TRIM2: variants seen among roughly 807,000 people sequenced by gnomAD.
TRIM2 encodes tripartite motif-containing protein 2.
TRIM2 carries 20 observed loss-of-function variants against 75.2 expected under a neutral mutation model. That is an observed-to-expected ratio of 0.27 (90% CI 0.19 to 0.39). The LOEUF is 0.39. Among genes scored for constraint, TRIM2 ranks in the 10% least tolerant of loss-of-function variants. The pLI is 1.00. For synonymous variants in TRIM2, 373 were observed against 388.3 expected (o/e 0.96, Z 0.46); for missense variants, 660 against 990.8 (o/e 0.67, Z 4.48).
chr4:153,293,260 G>A, intron 4 of TRIM2, 127 bp downstream of exon 4: 1 of 984,236 alleles, frequency 1.0e-6, no homozygotes, highest in Non-Finnish European at 1.4e-6. Context: ...GGGTAAATAA[G>A]TTCTTTTATC....
chr4:153,214,539 A>G (rs887349935), intron 1 of TRIM2, among the ~76,000 whole-genome samples: 3 of 152,238 alleles, frequency 2.0e-5, no homozygotes, highest in African/African-American at 7.2e-5. Context: ...TGTTTACCCT[A>G]CGGAAAATTT....
chr4:153,193,458 T>C (rs2149664475), intron 1 of TRIM2, among the ~76,000 whole-genome samples: 1 of 152,328 alleles, frequency 6.6e-6, no homozygotes, highest in South Asian at 2.1e-4. Context: ...TGAAGAAATC[T>C]ATGAATGCAA....
At chr4:153,261,196 T>C (rs544084289) in intron 1 of TRIM2, among the ~76,000 whole-genome samples, 1 of 152,136 alleles carries the variant, frequency 6.6e-6, no homozygotes, top group East Asian at 1.9e-4. Flanking sequence ...CCAAGGCCGG[T>C]GGATTGCTTG....
In TRIM2 at chr4:153,248,979, C is replaced by T. The variant is rs1484063471; in HGVS notation, c.31-21356C>T. ...CCCTCCAGGGTTAGCAGGCAAAGAG[C>T]TGTGGACCCCGGACACGGGAAAAGG... On this transcript the variant is annotated intron_variant, in intron 1 of 11. Transcript: ENST00000338700. The surrounding 1 kb of genome is among the most constrained non-coding windows in gnomAD (Gnocchi z 4.0). Among the ~76,000 whole-genome samples, 3 of 152,248 alleles carry T rather than the reference C, an allele frequency of 2.0e-5. No individual in the cohort carries two copies. Among genetic ancestry groups the T allele is most frequent in the African/African-American group, 7.2e-5 (3 of 41,472 alleles).
In TRIM2 at chr4:153,205,833, T is replaced by C. The variant is rs566504522; in HGVS notation, c.30+1273T>C. Among the ~76,000 whole-genome samples, 5 of 152,296 alleles carry C rather than the reference T, an allele frequency of 3.3e-5. No homozygotes were observed. In the South Asian group the frequency reaches 1.0e-3, roughly 32 times the overall value. ...TACAAAGGGTGTTTTTCAAATGAAT[T>C]TGACGCCAAGCAACATGAATGCTTG... On this transcript the variant is annotated intron_variant, in intron 1 of 11. Transcript: ENST00000338700.
intron 1 of TRIM2, chr4:153,257,359 C>T: frequency 9.1e-7 from 1 of 1,102,676 alleles, no homozygotes; most frequent in Non-Finnish European, 1.1e-6. Context: ...CCCATAATCC[C>T]TTGCCTGGTT....
chr4:153,282,643 C>T (rs1759600883), intron 3 of TRIM2, among the ~76,000 whole-genome samples: 1 of 152,166 alleles, frequency 6.6e-6, no homozygotes, highest in Non-Finnish European at 1.5e-5. Context: ...GACAGGATCT[C>T]ACTCTGTCAC....
intron 9 of TRIM2, among the ~76,000 whole-genome samples, chr4:153,323,485 T>A (rs1769448162): frequency 6.6e-6 from 1 of 152,104 alleles, no homozygotes; most frequent in African/African-American, 2.4e-5. Flanking sequence ...TTTTGTTTTG[T>A]TTTGTTTTGT....
chr4:153,153,970 G>A (rs747184016), intron 1 of TRIM2, among the ~76,000 whole-genome samples: 13 of 148,710 alleles, frequency 8.7e-5, no homozygotes, highest in Non-Finnish European at 1.9e-4. Flanking sequence ...ATGAGTGTGG[G>A]GGGTGTGGTT....
At chr4:153,264,007 G>A (rs1007174193) in intron 1 of TRIM2, among the ~76,000 whole-genome samples, 1 of 152,202 alleles carries the variant, frequency 6.6e-6, no homozygotes, top group Admixed American at 6.5e-5. Flanking sequence ...CACAGACATG[G>A]AGTCTATAAC....
chr4:153,323,489 G>GTT (rs1554002571), intron 9 of TRIM2, among the ~76,000 whole-genome samples: 18 of 152,156 alleles, frequency 1.2e-4, no homozygotes, highest in African/African-American at 4.3e-4. Flanking sequence ...GTTTTGTTTT[G>GTT]TTTTGTTTTT....
intron 1 of TRIM2, among the ~76,000 whole-genome samples, chr4:153,170,250 CAAGTT>C (rs747537961): frequency 6.6e-6 from 1 of 152,196 alleles, no homozygotes; most frequent in Non-Finnish European, 1.5e-5. Context: ...TTGTAACAAA[CAAGTT>C]AATCTACATT....
At chr4:153,270,105 T>G (rs1294726581) in intron 1 of TRIM2, among the ~76,000 whole-genome samples, 1 of 151,988 alleles carries the variant, frequency 6.6e-6, no homozygotes, top group African/African-American at 2.4e-5. Context: ...ATTTTTTGTA[T>G]TTTTAGTAGA....
intron 1 of TRIM2, among the ~76,000 whole-genome samples, chr4:153,252,435 T>C (rs1255205982): frequency 6.6e-6 from 1 of 152,198 alleles, no homozygotes. Context: ...TTTCTAAATC[T>C]CAATTTCCAC....
At chr4:153,219,909 T>G (rs1393166018) in intron 1 of TRIM2, among the ~76,000 whole-genome samples, 1 of 152,054 alleles carries the variant, frequency 6.6e-6, no homozygotes, top group Non-Finnish European at 1.5e-5. Flanking sequence ...TAAAATAAAA[T>G]GAAGGAAATA....
chr4:153,224,230 A>C (rs1741508261), intron 1 of TRIM2, among the ~76,000 whole-genome samples: 1 of 152,178 alleles, frequency 6.6e-6, no homozygotes, highest in African/African-American at 2.4e-5. Flanking sequence ...TACTTGATTA[A>C]ATTCTTTGTG....
intron 7 of TRIM2, 65 bp downstream of exon 7, chr4:153,315,653 T>G (rs1767422462): frequency 4.1e-6 from 6 of 1,464,440 alleles, no homozygotes; most frequent in Non-Finnish European, 5.6e-6. Flanking sequence ...GTTACATATA[T>G]TCCTACTTTA....
chr4:153,217,881 G>T (rs1738914618), intron 1 of TRIM2, among the ~76,000 whole-genome samples: 1 of 152,010 alleles, frequency 6.6e-6, no homozygotes. Context: ...ATCATGAATA[G>T]GCAATTTAAA....
intron 1 of TRIM2, among the ~76,000 whole-genome samples, chr4:153,225,064 G>A (rs1384518741): frequency 6.6e-6 from 1 of 152,154 alleles, no homozygotes; most frequent in Non-Finnish European, 1.5e-5. Context: ...GTAAGAATTT[G>A]GCCTATTCAA....
Sources: gnomAD v4.1 joint callset for allele counts (sites outside exome capture counted in the v4.1 genomes callset) on GRCh38, gnomAD v4.1.1 for gene constraint, Gnocchi (gnomAD v3.1) non-coding constraint, MANE v1.5 for transcripts, NCBI Gene and HGNC (gene_info 2026-07-23, HGNC 2026-07-21) for gene names.